ARNT2: variants seen among roughly 807,000 people sequenced by gnomAD.
ARNT2 encodes ARNT protein 2.
A neutral mutation model predicts 91.7 loss-of-function variants in ARNT2; 36 were observed. The ratio of observed to expected loss-of-function variants is 0.39; its 90% confidence interval spans 0.30 to 0.52. ARNT2 has a LOEUF of 0.52. Among genes scored for constraint, ARNT2 ranks in the 20% least tolerant of loss-of-function variants. The pLI is 0.72. For missense variants in ARNT2, 775 were observed against 939.3 expected (o/e 0.83, Z 2.29); for synonymous variants, 365 against 347.1 (o/e 1.05, Z -0.57).
intron 5 of ARNT2, among the ~76,000 whole-genome samples, chr15:80,506,003 C>G (rs976847435): frequency 1.1e-4 from 15 of 140,248 alleles, no homozygotes; most frequent in African/African-American, 4.0e-4. Context: ...GTGGCGCAAT[C>G]TCGGCTCACT....
chr15:80,443,893 G>A (rs1257869300), intron 1 of ARNT2, among the ~76,000 whole-genome samples: 1 of 152,236 alleles, frequency 6.6e-6, no homozygotes, highest in Non-Finnish European at 1.5e-5. Context: ...GCAAGGGGAA[G>A]CAGCTCTTTG....
intron 16 of ARNT2, chr15:80,581,024 G>A (rs985443232): frequency 1.3e-5 from 8 of 604,170 alleles, no homozygotes; most frequent in Non-Finnish European, 2.3e-5. Context: ...GCCCTGGGGA[G>A]TAACTTCAAC....
At chr15:80,485,466 G>A (rs1481032160) in intron 5 of ARNT2, among the ~76,000 whole-genome samples, 2 of 152,210 alleles carry the variant, frequency 1.3e-5, no homozygotes, top group African/African-American at 4.8e-5. Flanking sequence ...CTCTTGTGGA[G>A]TTTACAGTTC....
At chr15:80,582,069 T>C (rs1898809192) in intron 17 of ARNT2, among the ~76,000 whole-genome samples, 1 of 152,214 alleles carries the variant, frequency 6.6e-6, no homozygotes, top group Non-Finnish European at 1.5e-5. Context: ...CACCCAGCAG[T>C]GCGGCTCATA....
chr15:80,527,818 G>A lies in ARNT2; in HGVS notation c.877+13413G>A, dbSNP rs146308688. Among the ~76,000 whole-genome samples, 3 of 152,280 alleles carry A rather than the reference G, an allele frequency of 2.0e-5. No individual in the cohort carries two copies. The East Asian group carries it at 5.8e-4, about 29-fold the overall frequency. On this transcript the variant is annotated intron_variant, in intron 8 of 18. Transcript: ENST00000303329. Reference sequence around the variant, plus strand: ...TTTCTCAAAGTGGGAGAGAGACACTGTGTTGAGAACCACATGTAATTCACT... The same window carrying A: ...TTTCTCAAAGTGGGAGAGAGACACTATGTTGAGAACCACATGTAATTCACT...
At chr15:80,513,610 A>G (rs1193262083) in intron 6 of ARNT2, among the ~76,000 whole-genome samples, 1 of 151,156 alleles carries the variant, frequency 6.6e-6, no homozygotes, top group East Asian at 2.0e-4. Context: ...AGGACTGAGC[A>G]TGGCCAGGTC....
chr15:80,485,412 T>A (rs540263668), intron 5 of ARNT2, among the ~76,000 whole-genome samples: 38 of 152,324 alleles, frequency 2.5e-4, no homozygotes, highest in African/African-American at 8.7e-4. Flanking sequence ...GACACTGTAC[T>A]AAGTGCTGGG....
chr15:80,584,962 T>G (rs937548392), intron 17 of ARNT2, among the ~76,000 whole-genome samples: 3 of 152,256 alleles, frequency 2.0e-5, no homozygotes, highest in Non-Finnish European at 2.9e-5. Context: ...ATGTCACTTT[T>G]GAACAGTGCT....
At chr15:80,458,451 A>G (rs542623719) in intron 3 of ARNT2, among the ~76,000 whole-genome samples, 1 of 152,248 alleles carries the variant, frequency 6.6e-6, no homozygotes, top group South Asian at 2.1e-4. Context: ...ATGAGAAACC[A>G]GGCAGCTGTG....
chr15:80,538,374 C>A (rs1192143398), intron 8 of ARNT2, among the ~76,000 whole-genome samples: 1 of 152,074 alleles, frequency 6.6e-6, no homozygotes, highest in Non-Finnish European at 1.5e-5. Flanking sequence ...TAGTAAATCT[C>A]AAACTTATAG....
chr15:80,526,932 C>A (rs1897648772), intron 8 of ARNT2, among the ~76,000 whole-genome samples: 1 of 152,144 alleles, frequency 6.6e-6, no homozygotes, highest in African/African-American at 2.4e-5. Flanking sequence ...TTGAGGCCAC[C>A]AACTCACAAG....
intron 3 of ARNT2, among the ~76,000 whole-genome samples, chr15:80,458,320 A>G (rs1896507831): frequency 6.6e-6 from 1 of 152,200 alleles, no homozygotes; most frequent in African/African-American, 2.4e-5. Context: ...ATTAAAATTA[A>G]TATTCATTGC....
intron 11 of ARNT2, chr15:80,555,648 GA>G (rs1898169294): frequency 6.5e-6 from 1 of 153,330 alleles, no homozygotes; most frequent in African/African-American, 2.4e-5. Flanking sequence ...CCATGCTGAA[GA>G]ACATGGATTC....
intron 8 of ARNT2, among the ~76,000 whole-genome samples, chr15:80,532,034 C>T (rs1027694872): frequency 6.6e-6 from 1 of 152,200 alleles, no homozygotes; most frequent in Non-Finnish European, 1.5e-5. Context: ...ATCAGCTTCA[C>T]AGTGAAAACA....
At chr15:80,512,243 C>T (rs942820527) in intron 6 of ARNT2, among the ~76,000 whole-genome samples, 1 of 152,202 alleles carries the variant, frequency 6.6e-6, no homozygotes, top group Non-Finnish European at 1.5e-5. Context: ...GCTTCTCTCA[C>T]CCACTCCTTG....
chr15:80,563,517 T>C (rs1215391664), intron 12 of ARNT2, among the ~76,000 whole-genome samples: 2 of 152,164 alleles, frequency 1.3e-5, no homozygotes, highest in Admixed American at 1.3e-4. Context: ...CTGCTCCTCT[T>C]TTCTTCCCCC....
chr15:80,581,141 A>G, intron 16 of ARNT2, 98 bp from the exon 17 acceptor site: 1 of 1,434,008 alleles, frequency 7.0e-7, no homozygotes, highest in East Asian at 2.3e-5. Flanking sequence ...CTGTCAACCC[A>G]GAGCAGGCAC....
rs1895570019 is a variant in ARNT2 at position 80,404,605 on chromosome 15, G to T, written c.31+59G>T. On this transcript the variant is annotated intron_variant, in intron 1 of 18. Transcript: ENST00000303329. The surrounding 1 kb of genome is among the most constrained non-coding windows in gnomAD (Gnocchi z 5.5). ...AGCCCGCAGGCCTTGCCCGGGGCCG[G>T]AGCGGACCAGGCGCGCCGGGCGCCC... The T allele has an allele frequency of 9.8e-6, 10 of 1,018,684 alleles. No individual in the cohort carries two copies. The highest frequency in any genetic ancestry group is 1.2e-5 in the Non-Finnish European group (10 of 851,192). The allele number at this position is 1,018,684 out of a possible 1,614,324, so 63.1% of individuals were successfully genotyped here. A position where few individuals can be genotyped will look rare whatever the true frequency, so the allele number is the denominator to read the frequency against.
chr15:80,559,755 G>A (rs138227400), intron 11 of ARNT2, among the ~76,000 whole-genome samples: 290 of 152,248 alleles, frequency 1.9e-3, no homozygotes, highest in African/African-American at 6.0e-3. Flanking sequence ...CATCTCCCCC[G>A]TCTCCTCTCC....
Sources: allele counts gnomAD v4.1 joint callset (sites outside exome capture counted in the v4.1 genomes callset), GRCh38; gene constraint gnomAD v4.1.1; non-coding constraint Gnocchi (gnomAD v3.1); transcripts MANE v1.5; gene names NCBI Gene and HGNC (gene_info 2026-07-23, HGNC 2026-07-21).